The following CDH12 variants were observed in gnomAD, a reference collection of about 807,000 sequenced individuals.
CDH12 encodes cadherin-12.
In CDH12, 41 loss-of-function variants were observed where a neutral mutation model predicts 74.1. The ratio of observed to expected loss-of-function variants is 0.55; its 90% confidence interval spans 0.43 to 0.72. The LOEUF is 0.72. Among genes scored for constraint, CDH12 ranks in the 30% least tolerant of loss-of-function variants. CDH12 has a pLI of 0.00. For missense variants in CDH12, 945 were observed against 977.2 expected (o/e 0.97, Z 0.44); for synonymous variants, 399 against 355.0 (o/e 1.12, Z -1.39).
chr5:22,676,226 T>C (rs1315994509), intron 1 of CDH12, among the ~76,000 whole-genome samples: 1 of 151,626 alleles, frequency 6.6e-6, no homozygotes, highest in East Asian at 2.0e-4. Flanking sequence ...GGCCAATAAA[T>C]ATTATTGAGG....
At chr5:22,427,075 T>C (rs746736832) in intron 2 of CDH12, among the ~76,000 whole-genome samples, 3 of 152,174 alleles carry the variant, frequency 2.0e-5, no homozygotes, top group Non-Finnish European at 4.4e-5. Context: ...TGCCTCCTCT[T>C]CTTTCCTCTT....
intron 2 of CDH12, among the ~76,000 whole-genome samples, chr5:22,495,585 C>T (rs899623877): frequency 6.6e-6 from 1 of 152,074 alleles, no homozygotes; most frequent in Non-Finnish European, 1.5e-5. Flanking sequence ...TATATATACA[C>T]ACACACACAT....
intron 5 of CDH12, among the ~76,000 whole-genome samples, chr5:22,024,799 C>A (rs752029034): frequency 6.6e-6 from 1 of 152,138 alleles, no homozygotes; most frequent in Non-Finnish European, 1.5e-5. Flanking sequence ...CAGCTGTGAG[C>A]CACCATGCCT....
At chr5:22,153,983 G>A (rs7446863) in intron 4 of CDH12, among the ~76,000 whole-genome samples, 55,785 of 145,170 alleles carry the variant, frequency 0.38, 11,811 homozygotes, top group East Asian at 0.66. Flanking sequence ...TACATGCACA[G>A]ATATATATGT....
At position 21,751,040 on chromosome 5, in the gene CDH12, A is replaced by C. The variant is rs1744017075; in HGVS notation, c.*697T>G. The C allele has an allele frequency of 6.6e-6, 1 of 152,112 alleles. No individual in the cohort carries two copies. The highest frequency in any genetic ancestry group is 2.4e-5 in the African/African-American group (1 of 41,308). 9.4% of individuals were successfully genotyped at this position (152,112 alleles called of 1,614,324 possible). On this transcript the variant is annotated 3_prime_UTR_variant, in exon 15 of 15. Transcript: ENST00000382254. ...TGTTAAGATCAAACATTGTTTCTAGAATTTGGGACTTACATATTGAACTTG... is the reference window on the plus strand; with the variant it reads ...TGTTAAGATCAAACATTGTTTCTAGCATTTGGGACTTACATATTGAACTTG...
chr5:22,033,487 A>C (rs1738968055), intron 5 of CDH12, among the ~76,000 whole-genome samples: 1 of 152,182 alleles, frequency 6.6e-6, no homozygotes, highest in Admixed American at 6.5e-5. Context: ...AATTATACAA[A>C]ATCTCATATT....
At chr5:22,569,052 T>C (rs1467730446) in intron 1 of CDH12, among the ~76,000 whole-genome samples, 1 of 152,188 alleles carries the variant, frequency 6.6e-6, no homozygotes, top group Non-Finnish European at 1.5e-5. Flanking sequence ...ATTGACTCTT[T>C]CTTTCACTAA....
intron 3 of CDH12, among the ~76,000 whole-genome samples, chr5:22,387,704 G>A (rs1163045954): frequency 6.6e-6 from 1 of 152,174 alleles, no homozygotes; most frequent in African/African-American, 2.4e-5. Context: ...GAGAATGAGA[G>A]ATGGGAGAGA....
intron 6 of CDH12, among the ~76,000 whole-genome samples, chr5:21,946,974 C>A (rs887690176): frequency 6.6e-6 from 1 of 152,120 alleles, no homozygotes; most frequent in Non-Finnish European, 1.5e-5. Flanking sequence ...TCATGCTGTT[C>A]TCATGATAGT....
At chr5:22,761,263 C>T (rs181039326) in intron 1 of CDH12, among the ~76,000 whole-genome samples, 1 of 152,100 alleles carries the variant, frequency 6.6e-6, no homozygotes, top group African/African-American at 2.4e-5. Context: ...TGATTTATAT[C>T]CTGGGTTTTA....
intron 3 of CDH12, among the ~76,000 whole-genome samples, chr5:22,385,572 T>A (rs553140357): frequency 1.3e-5 from 2 of 152,290 alleles, no homozygotes; most frequent in South Asian, 4.1e-4. Flanking sequence ...TCCTTTGAAA[T>A]GTAATCATTA....
chr5:21,968,125 T>C (rs906185927), intron 6 of CDH12, among the ~76,000 whole-genome samples: 1 of 152,164 alleles, frequency 6.6e-6, no homozygotes, highest in Non-Finnish European at 1.5e-5. Flanking sequence ...AGAGAAAACT[T>C]GAGAAAAGGG....
intron 3 of CDH12, among the ~76,000 whole-genome samples, chr5:22,372,383 G>T (rs1467772624): frequency 6.6e-6 from 1 of 152,038 alleles, no homozygotes; most frequent in Admixed American, 6.6e-5. Context: ...GTAAGTGAGG[G>T]ACCCCCGTGC....
At chr5:22,601,510 ATC>A (rs1249800203) in intron 1 of CDH12, among the ~76,000 whole-genome samples, 1 of 152,012 alleles carries the variant, frequency 6.6e-6, no homozygotes, top group Non-Finnish European at 1.5e-5. Context: ...GACAGAAACA[ATC>A]TCTCGTGGCA....
intron 6 of CDH12, chr5:21,883,300 G>A (rs963881343): frequency 4.1e-6 from 6 of 1,480,264 alleles, no homozygotes; most frequent in Middle Eastern, 1.7e-4. Context: ...GGTCAGAAAT[G>A]TGAATTCCAG....
chr5:22,782,376 A>G (rs1293124394), intron 1 of CDH12, among the ~76,000 whole-genome samples: 1 of 152,068 alleles, frequency 6.6e-6, no homozygotes, highest in Non-Finnish European at 1.5e-5. Context: ...TGTTCTCATG[A>G]TAGTGAAAGA....
intron 1 of CDH12, among the ~76,000 whole-genome samples, chr5:22,535,545 G>A (rs1441102952): frequency 6.6e-6 from 1 of 152,148 alleles, no homozygotes; most frequent in East Asian, 1.9e-4. Context: ...TAGATTCAAA[G>A]CATGTATTCT....
At chr5:21,797,330 A>G (rs1175291230) in intron 10 of CDH12, among the ~76,000 whole-genome samples, 1 of 152,154 alleles carries the variant, frequency 6.6e-6, no homozygotes, top group African/African-American at 2.4e-5. Flanking sequence ...ATATCTAACC[A>G]TGTCGAGTAA....
At chr5:22,153,168 T>C (rs1747718029) in intron 4 of CDH12, among the ~76,000 whole-genome samples, 1 of 146,144 alleles carries the variant, frequency 6.8e-6, no homozygotes, top group Non-Finnish European at 1.5e-5. Context: ...TCTTTTCTTT[T>C]CGTTTTTTTC....
Sources: gnomAD v4.1 joint callset for allele counts (sites outside exome capture counted in the v4.1 genomes callset) on GRCh38, gnomAD v4.1.1 for gene constraint, MANE v1.5 for transcripts, NCBI Gene and HGNC (gene_info 2026-07-23, HGNC 2026-07-21) for gene names.